Variants in TAGLN2 observed in about 807,000 individuals in gnomAD.
The protein encoded by TAGLN2 is transgelin 2.
A neutral mutation model predicts 24.9 loss-of-function variants in TAGLN2; 14 were observed. The observed-to-expected ratio is 0.56, with a 90% CI of 0.37 to 0.88. TAGLN2 has a LOEUF of 0.88. Ranked by LOEUF, TAGLN2 falls within the 40% of genes least tolerant of loss-of-function variation. The probability of loss-of-function intolerance (pLI) is 0.00; values close to 1 mark genes in which losing one functional copy is unlikely to be tolerated. For missense variants in TAGLN2, 208 were observed against 258.9 expected (o/e 0.80, Z 1.35); for synonymous variants, 77 against 98.2 (o/e 0.78, Z 1.28).
intron 3 of TAGLN2, 79 bp downstream of exon 3, chr1:159,919,582 C>T (rs1571201670): frequency 1.3e-6 from 2 of 1,541,288 alleles, no homozygotes; most frequent in East Asian, 4.5e-5. Flanking sequence ...AGAAAACAGC[C>T]CCTTCTGCCT....
At position 159,919,659 on chromosome 1, in the gene TAGLN2, A is replaced by C; in HGVS notation, c.355+2T>G. 2.5e-6 allele frequency: 4 copies of C among 1,611,780 alleles called. No individual in the cohort carries two copies. Among genetic ancestry groups the C allele is most frequent in the Non-Finnish European group, 2.5e-6 (3 of 1,179,202 alleles). Reference sequence around the variant, plus strand: ...AGGACCCAGCCCCTCGCCCTGTCCCACCTTCCCAGAGGTCCACAGTTTGGA... The same window carrying C: ...AGGACCCAGCCCCTCGCCCTGTCCCCCCTTCCCAGAGGTCCACAGTTTGGA... On this transcript the variant is annotated splice_donor_variant, in intron 3 of 4. Coordinates refer to ENST00000368097, the MANE Select transcript of TAGLN2 (RefSeq NM_003564.3). LOFTEE classifies it high-confidence loss of function.
rs201306033 is a variant in TAGLN2, at chr1:159,918,850, C to T, written c.550G>A (p.Ala184Thr). ...TAGCCAGTCATGCCTGCCTGAGACG[C>T]CCCGCGGTTGGTGCCCATCTGTAAC... is the stretch of plus-strand genomic sequence containing the variant. ...IGLQMGTNRG[A>T]SQAGMTGYGM... is the part of the protein sequence containing the mutation. Residue 184 changes from alanine (A) to threonine (T), a missense_variant, in exon 5 of 5, where the codon GCG becomes ACG. Transcript: ENST00000368097. 5.7e-5 allele frequency: 92 copies of T among 1,614,122 alleles called. No homozygotes were observed. The highest frequency in any genetic ancestry group is 3.5e-5 in the Non-Finnish European group (41 of 1,180,046).
intron 1 of TAGLN2, among the ~76,000 whole-genome samples, chr1:159,923,945 T>G (rs965217045): frequency 9.9e-5 from 15 of 152,140 alleles, no homozygotes; most frequent in Non-Finnish European, 1.9e-4. Flanking sequence ...TGCTCGGGTG[T>G]AGCCAGGTGC....
chr1:159,918,617 TAGTA>T lies in TAGLN2; in HGVS notation c.*179_*182del, dbSNP rs1453938813. ...GATGGCTATGGGGAAGGGAATGTAT[TAGTA>T]AGCATGGGGGAGAGGATGCCAGCAG... On this transcript the variant is annotated 3_prime_UTR_variant, in exon 5 of 5. Coordinates refer to ENST00000368097, the MANE Select transcript of TAGLN2 (RefSeq NM_003564.3). 1.1e-5 allele frequency: 9 copies of T among 798,688 alleles called. No individual in the cohort carries two copies. Among genetic ancestry groups the T allele is most frequent in the Non-Finnish European group, 1.8e-5 (9 of 512,346 alleles). The allele number at this position is 798,688 out of a possible 1,614,324, so 49.5% of individuals were successfully genotyped here.
At chr1:159,919,427 G>C (rs1162084531) in intron 3 of TAGLN2, 51 bp from the exon 4 acceptor site, 1 of 1,577,882 alleles carries the variant, frequency 6.3e-7, no homozygotes, top group Non-Finnish European at 8.7e-7. Flanking sequence ...CTAGATACCA[G>C]GGTTCCGCCT....
Position 159,918,922 on chromosome 1 carries a change from G to A in TAGLN2, c.478C>T (p.Arg160Trp), listed in dbSNP as rs1237302072. Residue 160 changes from arginine (R) to tryptophan (W), a missense_variant, in exon 5 of 5, where the codon CGG becomes TGG. Transcript: ENST00000368097. ...TGCAGCTGGTTATCCGAGAAGTTCC[G>A]AGGATTCTCCTTGGATTTCCTGGGT... ...WFPKKSKENP[R>W]NFSDNQLQEG... 6.2e-6 allele frequency: 10 copies of A among 1,614,176 alleles called. No individual in the cohort carries two copies. The highest frequency in any genetic ancestry group is 1.1e-5 in the South Asian group (1 of 91,088).
At chr1:159,919,417 C>CTA (rs1224776529) in intron 3 of TAGLN2, 41 bp from the exon 4 acceptor site, 3 of 1,596,872 alleles carry the variant, frequency 1.9e-6, no homozygotes, top group Non-Finnish European at 2.6e-6. Context: ...CCGCAGTGTC[C>CTA]TAGATACCAG....
In TAGLN2 at chr1:159,918,678, C is replaced by CT; in HGVS notation, c.*121_*122insA. The CT allele has an allele frequency of 2.1e-6, 3 of 1,403,642 alleles. No individual in the cohort carries two copies. The South Asian group carries it at 4.0e-5, about 19-fold the overall frequency. The allele number at this position is 1,403,642 out of a possible 1,614,324, so 86.9% of individuals were successfully genotyped here. Reference sequence around the variant, plus strand: ...CAGAGGTGACAGGACAGGCTGAACCCCCCACCCTGACAGAAAGGAGCTTGA... The same window carrying CT: ...CAGAGGTGACAGGACAGGCTGAACCCTCCCACCCTGACAGAAAGGAGCTTGA... On this transcript the variant is annotated 3_prime_UTR_variant, in exon 5 of 5. Transcript: ENST00000368097.
chr1:159,919,448 G>C, intron 3 of TAGLN2, 72 bp from the exon 4 acceptor site: 1 of 1,509,460 alleles, frequency 6.6e-7, no homozygotes, highest in Non-Finnish European at 9.2e-7. Flanking sequence ...CTATCGCTAA[G>C]TCAGCAGGCC....
At chr1:159,920,821 G>A (rs762910771) in intron 1 of TAGLN2, among the ~76,000 whole-genome samples, 2 of 152,158 alleles carry the variant, frequency 1.3e-5, no homozygotes, top group Non-Finnish European at 2.9e-5. Flanking sequence ...CTAGGTTGGT[G>A]CAAACCACTG....
rs1168469948 is a variant in TAGLN2, at chr1:159,923,530, G to A, written c.-29+1920C>T. ...TAGGGTGTTTAATTGGGAAGACAAAGGGACTCTCCATCCACCGTGCAGATG... is the reference window on the plus strand; with the variant it reads ...TAGGGTGTTTAATTGGGAAGACAAAAGGACTCTCCATCCACCGTGCAGATG... On this transcript the variant is annotated intron_variant, in intron 1 of 4. Transcript: ENST00000368097. The A allele has an allele frequency of 2.6e-6, 4 of 1,515,460 alleles. No individual in the cohort carries two copies. The East Asian group carries it at 9.9e-5, about 38-fold the overall frequency. 93.9% of individuals were successfully genotyped at this position (1,515,460 alleles called of 1,614,324 possible). A position where few individuals can be genotyped will look rare whatever the true frequency, so the allele number is the denominator to read the frequency against.
chr1:159,920,515 T>A lies in TAGLN2; in HGVS notation c.-6A>T. On this transcript the variant is annotated 5_prime_UTR_variant, in exon 2 of 5. Transcript: ENST00000368097. ...GCAGGTCCCCTGTTGGCCATTCCAA[T>A]GGGTGGCGGTGGCTGCGGGGAGCTA... 2 of 1,613,846 alleles carry A rather than the reference T, an allele frequency of 1.2e-6. No homozygotes were observed. Among genetic ancestry groups the A allele is most frequent in the Non-Finnish European group, 1.7e-6 (2 of 1,179,704 alleles).
chr1:159,924,069 A>G (rs970006981), intron 1 of TAGLN2, among the ~76,000 whole-genome samples: 13 of 152,218 alleles, frequency 8.5e-5, no homozygotes, highest in Admixed American at 1.3e-4. Context: ...GTTCAGGAGA[A>G]GAAATCCCCT....
At chr1:159,919,060 G>A (rs1288115312) in intron 4 of TAGLN2, 119 bp from the exon 5 acceptor site, 1 of 1,505,142 alleles carries the variant, frequency 6.6e-7, no homozygotes, top group Non-Finnish European at 9.0e-7. Flanking sequence ...CTGCCCTCGA[G>A]AGCCATAAGC....
intron 3 of TAGLN2, 37 bp downstream of exon 3, chr1:159,919,624 C>T (rs1400511672): frequency 6.2e-7 from 1 of 1,604,630 alleles, no homozygotes; most frequent in Non-Finnish European, 8.5e-7. Context: ...TCTCTGGCCT[C>T]CTGGATGACA....
intron 1 of TAGLN2, 176 bp from the exon 2 acceptor site, chr1:159,920,713 G>T: frequency 1.2e-6 from 1 of 837,778 alleles, no homozygotes; most frequent in Non-Finnish European, 1.4e-6. Context: ...GAAAGAGAAT[G>T]ATTTGGGGAG....
In TAGLN2 at chr1:159,918,768, G is replaced by A. The variant is rs747951609; in HGVS notation, c.*32C>T. 2.7e-5 allele frequency: 44 copies of A among 1,608,574 alleles called. No homozygotes were observed. The highest frequency in any genetic ancestry group is 3.3e-4 in the Middle Eastern group (2 of 6,044). On this transcript the variant is annotated 3_prime_UTR_variant, in exon 5 of 5. Transcript: ENST00000368097. ...ATATCTACATATATATTAACCATTC[G>A]TGGGAGGGCAGGGGCAAGGCCTGGG...
At chr1:159,920,658 G>T in intron 1 of TAGLN2, 121 bp from the exon 2 acceptor site, 1 of 1,459,528 alleles carries the variant, frequency 6.9e-7, no homozygotes, top group Admixed American at 2.6e-5. Flanking sequence ...CAAGGATGAG[G>T]ACCAGAACTG....
chr1:159,920,409 A>G lies in TAGLN2; in HGVS notation c.101T>C (p.Ile34Thr). 1.2e-6 allele frequency: 2 copies of G among 1,614,090 alleles called. No homozygotes were observed. The highest frequency in any genetic ancestry group is 1.7e-6 in the Non-Finnish European group (2 of 1,179,980). Residue 34 changes from isoleucine to threonine, a missense_variant, in exon 2 of 5, where the codon ATC (isoleucine) becomes ACC (threonine). Transcript: ENST00000368097. Reference protein sequence around the residue: ...ADLEQILIQWITTQCRKDVGR... With the variant: ...ADLEQILIQWTTTQCRKDVGR... ...CACATCCTTTCGGCACTGGGTGGTG[A>G]TCCACTGGATCAGGATCTGCTCCAG...
Sources: gnomAD v4.1 joint callset for allele counts (sites outside exome capture counted in the v4.1 genomes callset) on GRCh38, gnomAD v4.1.1 for gene constraint, MANE v1.5 for transcripts, NCBI Gene and HGNC (gene_info 2026-07-23, HGNC 2026-07-21) for gene names.